Variants in FAXC observed in about 807,000 individuals in gnomAD.
FAXC encodes failed axon connections homolog.
FAXC carries 10 observed loss-of-function variants against 41.9 expected under a neutral mutation model. The observed-to-expected ratio is 0.24, with a 90% confidence interval of 0.15 to 0.41. FAXC has a LOEUF of 0.41. Among genes scored for constraint, FAXC ranks in the 10% least tolerant of loss-of-function variants. FAXC has a pLI of 1.00. For missense variants in FAXC, 399 were observed against 510.9 expected (o/e 0.78, Z 2.11); for synonymous variants, 183 against 183.8 (o/e 1.00, Z 0.03).
At chr6:99,325,481 T>C (rs1048758439) in intron 3 of FAXC, among the ~76,000 whole-genome samples, 4 of 152,196 alleles carry the variant, frequency 2.6e-5, no homozygotes, top group African/African-American at 4.8e-5. Context: ...AATCAAGAAA[T>C]AGTTTTTCCC....
At chr6:99,305,812 CT>C (rs1192585349) in intron 4 of FAXC, among the ~76,000 whole-genome samples, 1 of 151,710 alleles carries the variant, frequency 6.6e-6, no homozygotes, top group African/African-American at 2.4e-5. Flanking sequence ...ACTGTAAATG[CT>C]CCATAAATGT....
chr6:99,320,833 C>T (rs991535253), intron 4 of FAXC, among the ~76,000 whole-genome samples: 10 of 152,160 alleles, frequency 6.6e-5, no homozygotes, highest in East Asian at 1.9e-4. Context: ...GCCTCATCTA[C>T]GGCCCTCCCC....
chr6:99,282,755 A>G (rs1770885954), intron 5 of FAXC, among the ~76,000 whole-genome samples: 1 of 152,234 alleles, frequency 6.6e-6, no homozygotes. Context: ...TTATATAAAC[A>G]TTCACTTATT....
chr6:99,348,344 A>T (rs1773670164), intron 1 of FAXC, among the ~76,000 whole-genome samples: 1 of 152,226 alleles, frequency 6.6e-6, no homozygotes, highest in South Asian at 2.1e-4. Flanking sequence ...TACCCAAACA[A>T]AAATCTCGTC....
chr6:99,336,278 A>T (rs143062305), intron 2 of FAXC, among the ~76,000 whole-genome samples: 1 of 151,906 alleles, frequency 6.6e-6, no homozygotes, highest in African/African-American at 2.4e-5. Context: ...TTTTTCCTAA[A>T]TATTTTTATT....
intron 4 of FAXC, among the ~76,000 whole-genome samples, chr6:99,297,355 A>G (rs221580): frequency 0.85 from 129,700 of 152,092 alleles, 55,580 homozygotes; most frequent in East Asian, 1. Context: ...GGACAAAGAC[A>G]CACAGTTGTC....
intron 2 of FAXC, among the ~76,000 whole-genome samples, chr6:99,340,339 G>A (rs541760897): frequency 9.9e-5 from 15 of 152,208 alleles, no homozygotes; most frequent in African/African-American, 1.7e-4. Context: ...GACCTCAGAC[G>A]ATCCACCAGC....
intron 4 of FAXC, among the ~76,000 whole-genome samples, chr6:99,323,183 C>T (rs1354740141): frequency 6.6e-6 from 1 of 152,156 alleles, no homozygotes; most frequent in Admixed American, 6.5e-5. Flanking sequence ...CACTTGCAGC[C>T]AGGTGGTGAG....
Position 99,272,145 on chromosome 6 carries a change from T to TAC in FAXC, c.*9018_*9019insGT, listed in dbSNP as rs1770423779. 1 of 61,648 alleles carries TAC rather than the reference T, an allele frequency of 1.6e-5. No individual in the cohort carries two copies. The highest frequency in any genetic ancestry group is 8.9e-5 in the African/African-American group (1 of 11,210). The allele number at this position is 61,648 out of a possible 1,614,324, so 3.8% of individuals were successfully genotyped here. On this transcript the variant is annotated 3_prime_UTR_variant, in exon 6 of 6. Transcript: ENST00000389677. ...GAGGTATGAAAACTAATTGAGACTA[T>TAC]ATGTGTGTGTGTGTGTGTGTGTGTG...
chr6:99,288,123 A>G (rs1771091002), intron 5 of FAXC, among the ~76,000 whole-genome samples: 1 of 152,232 alleles, frequency 6.6e-6, no homozygotes, highest in Admixed American at 6.5e-5. Context: ...GAAGTAATAG[A>G]GAAAAGGGCC....
At chr6:99,300,815 G>A (rs979786292) in intron 4 of FAXC, among the ~76,000 whole-genome samples, 1 of 152,152 alleles carries the variant, frequency 6.6e-6, no homozygotes, top group African/African-American at 2.4e-5. Flanking sequence ...TCTGGTTAAC[G>A]AAACACCACA....
chr6:99,321,864 A>C (rs1453298743), intron 4 of FAXC, among the ~76,000 whole-genome samples: 1 of 152,202 alleles, frequency 6.6e-6, no homozygotes, highest in Non-Finnish European at 1.5e-5. Context: ...ACTGTTAAAG[A>C]TGTGTGGTGC....
intron 4 of FAXC, among the ~76,000 whole-genome samples, chr6:99,318,260 A>AACACACACACAC (rs71021723): frequency 1.2e-4 from 8 of 64,772 alleles, no homozygotes; most frequent in Non-Finnish European, 1.9e-4. Context: ...CTCCGTCTCA[A>AACACACACACAC]ACACACACAC....
intron 3 of FAXC, among the ~76,000 whole-genome samples, chr6:99,330,182 T>G (rs1265954363): frequency 6.6e-6 from 1 of 151,726 alleles, no homozygotes; most frequent in African/African-American, 2.4e-5. Context: ...TTTTTATGGG[T>G]GAAAATATTA....
chr6:99,293,621 C>T (rs558881651), intron 4 of FAXC, among the ~76,000 whole-genome samples: 1 of 151,442 alleles, frequency 6.6e-6, no homozygotes, highest in African/African-American at 2.4e-5. Flanking sequence ...CCTCTTGTCT[C>T]TCAGGCTTCT....
chr6:99,344,986 C>T (rs1282990659), intron 1 of FAXC, among the ~76,000 whole-genome samples: 1 of 152,096 alleles, frequency 6.6e-6, no homozygotes, highest in Non-Finnish European at 1.5e-5. Context: ...CTGACAATGA[C>T]ACTTTAGAAT....
At chr6:99,295,018 A>G (rs1466616430) in intron 4 of FAXC, among the ~76,000 whole-genome samples, 2 of 152,210 alleles carry the variant, frequency 1.3e-5, no homozygotes, top group Non-Finnish European at 2.9e-5. Context: ...ATGGACCTTA[A>G]TCTCAGAGAT....
rs1415838913 is a variant in FAXC, at chr6:99,291,830, A to G, written c.824-10T>C. Reference sequence around the variant, plus strand: ...ATGTACTTCTTATCACCTGCAGTAAATAAAGCAGAGAAGTCAATGGGCTGG... The same window carrying G: ...ATGTACTTCTTATCACCTGCAGTAAGTAAAGCAGAGAAGTCAATGGGCTGG... On this transcript the variant is annotated splice_polypyrimidine_tract_variant and intron_variant, in intron 4 of 5. Coordinates refer to ENST00000389677, the MANE Select transcript of FAXC (RefSeq NM_032511.4). 6.2e-7 allele frequency: 1 copy of G among 1,604,590 alleles called. No homozygotes were observed. Among genetic ancestry groups the G allele is most frequent in the Non-Finnish European group, 8.5e-7 (1 of 1,171,266 alleles).
chr6:99,309,616 C>T (rs2128456161), intron 4 of FAXC, among the ~76,000 whole-genome samples: 1 of 152,268 alleles, frequency 6.6e-6, no homozygotes, highest in South Asian at 2.1e-4. Context: ...TTGAAAGATA[C>T]CAGGCCCTCG....
Sources: allele counts gnomAD v4.1 joint callset (sites outside exome capture counted in the v4.1 genomes callset), GRCh38; gene constraint gnomAD v4.1.1; transcripts MANE v1.5; gene names NCBI Gene and HGNC (gene_info 2026-07-23, HGNC 2026-07-21).